Variants in KLF12 observed in about 807,000 individuals in gnomAD.
KLF12 encodes KLF transcription factor 12.
Under a neutral mutation model 37.8 loss-of-function variants are expected in KLF12, and 9 were observed. That is an observed-to-expected ratio of 0.24 (90% CI 0.14 to 0.42). The LOEUF is 0.42. Among genes scored for constraint, KLF12 ranks in the 10% least tolerant of loss-of-function variants. The probability of loss-of-function intolerance (pLI) is 1.00; values close to 1 mark genes in which losing one functional copy is unlikely to be tolerated. For missense variants in KLF12, 411 were observed against 516.0 expected, an observed-to-expected ratio of 0.80 and a Z score of 1.97; for synonymous variants, 208 against 202.1, an observed-to-expected ratio of 1.03 and a Z score of -0.25.
chr13:73,891,062 T>A (rs898822146), intron 3 of KLF12, among the ~76,000 whole-genome samples: 6 of 152,050 alleles, frequency 3.9e-5, no homozygotes. Context: ...TTAAAAAAAA[T>A]ACAACTTCTT....
chr13:74,095,058 T>A (rs1486371273), intron 1 of KLF12, among the ~76,000 whole-genome samples: 1 of 152,242 alleles, frequency 6.6e-6, no homozygotes, highest in Non-Finnish European at 1.5e-5. Context: ...TCAATTTTCA[T>A]GGGAAAACTC....
At chr13:73,963,020 G>A (rs189852478) in intron 2 of KLF12, among the ~76,000 whole-genome samples, 2 of 152,204 alleles carry the variant, frequency 1.3e-5, no homozygotes, top group Admixed American at 1.3e-4. Flanking sequence ...TTAGCATTTT[G>A]TCAACACCAA....
the KLF12 span, among the ~76,000 whole-genome samples, chr13:74,207,630 T>G: frequency 5.3e-5 from 8 of 151,968 alleles, no homozygotes; most frequent in Non-Finnish European, 1.2e-4. Flanking sequence ...AGCCAAGATC[T>G]CCCCTGCACT....
intron 3 of KLF12, among the ~76,000 whole-genome samples, chr13:73,942,295 A>G (rs1168022146): frequency 6.6e-6 from 1 of 152,152 alleles, no homozygotes; most frequent in Non-Finnish European, 1.5e-5. Flanking sequence ...TTGTTATTTC[A>G]AGTTGAAGAA....
At chr13:74,188,095 G>A in the KLF12 span, among the ~76,000 whole-genome samples, 1 of 151,980 alleles carries the variant, frequency 6.6e-6, no homozygotes, top group Non-Finnish European at 1.5e-5. Context: ...TTATAAGGCC[G>A]GGGAGTCTAT....
At chr13:74,122,743 A>G (rs1359343112) in intron 1 of KLF12, among the ~76,000 whole-genome samples, 1 of 151,962 alleles carries the variant, frequency 6.6e-6, no homozygotes, top group African/African-American at 2.4e-5. Flanking sequence ...GATTTCTCTT[A>G]GGCAGCACTG....
At chr13:73,750,933 G>A (rs1012183424) in intron 6 of KLF12, among the ~76,000 whole-genome samples, 1 of 152,164 alleles carries the variant, frequency 6.6e-6, no homozygotes, top group African/African-American at 2.4e-5. Context: ...GTTATGTGAT[G>A]CAAAGGGCCT....
At chr13:74,263,393 T>C in the KLF12 span, among the ~76,000 whole-genome samples, 2 of 152,224 alleles carry the variant, frequency 1.3e-5, no homozygotes, top group Non-Finnish European at 1.5e-5. Context: ...AGATAAAGAC[T>C]CTGACTCTAT....
the KLF12 span, among the ~76,000 whole-genome samples, chr13:74,198,316 T>C: frequency 6.6e-6 from 1 of 152,048 alleles, no homozygotes; most frequent in Non-Finnish European, 1.5e-5. Flanking sequence ...AGAAAAAATA[T>C]AAAAGAGAAA....
intron 6 of KLF12, among the ~76,000 whole-genome samples, chr13:73,737,482 A>C (rs1381816533): frequency 6.6e-6 from 1 of 152,168 alleles, no homozygotes. Flanking sequence ...AAAATAAGAC[A>C]GTGGAACTAA....
rs539839778 is a variant in KLF12 at position 73,826,029 on chromosome 13, T to C, written c.671-12742A>G. Among the ~76,000 whole-genome samples, 66 of 152,074 alleles carry C rather than the reference T, an allele frequency of 4.3e-4. 1 individual carries two copies. In the South Asian group the frequency reaches 7.7e-3, roughly 18 times the overall value. ...GCTCTGTTGCCCAGGCTGGAGTGCA[T>C]TGGGACGATCTCGGCTCACTGCAAG... On this transcript the variant is annotated intron_variant, in intron 4 of 7. Transcript: ENST00000377669.
At chr13:74,238,201 G>A in the KLF12 span, among the ~76,000 whole-genome samples, 1 of 131,266 alleles carries the variant, frequency 7.6e-6, no homozygotes, top group Admixed American at 7.1e-5. Flanking sequence ...AGATAATCAT[G>A]TGGTTTTTGT....
At chr13:74,144,279 T>C in the KLF12 span, among the ~76,000 whole-genome samples, 5 of 152,204 alleles carry the variant, frequency 3.3e-5, no homozygotes, top group Non-Finnish European at 5.9e-5. Context: ...ATAATTGTTA[T>C]TATGGAAACC....
intron 6 of KLF12, among the ~76,000 whole-genome samples, chr13:73,741,355 T>G (rs1877967324): frequency 6.6e-6 from 1 of 152,146 alleles, no homozygotes; most frequent in Non-Finnish European, 1.5e-5. Context: ...ACACCAACAA[T>G]GCTGTGAAGA....
chr13:73,989,118 G>A (rs1037912322), intron 2 of KLF12, among the ~76,000 whole-genome samples: 5 of 152,098 alleles, frequency 3.3e-5, no homozygotes, highest in African/African-American at 1.2e-4. Flanking sequence ...AAATGGCAAT[G>A]TAAAGGCATT....
At chr13:73,888,141 C>G (rs1375982974) in intron 3 of KLF12, among the ~76,000 whole-genome samples, 2 of 151,940 alleles carry the variant, frequency 1.3e-5, no homozygotes, top group Non-Finnish European at 2.9e-5. Flanking sequence ...TAGCTGGGAC[C>G]ACAGACGTCA....
chr13:74,030,499 A>C (rs1248123680), intron 1 of KLF12, among the ~76,000 whole-genome samples: 3 of 152,044 alleles, frequency 2.0e-5, no homozygotes, highest in Non-Finnish European at 4.4e-5. Flanking sequence ...CCTTAATTAA[A>C]TTTCTAAATA....
At chr13:74,224,587 A>C in the KLF12 span, among the ~76,000 whole-genome samples, 1 of 152,168 alleles carries the variant, frequency 6.6e-6, no homozygotes, top group Admixed American at 6.6e-5. Flanking sequence ...CATACGTTGT[A>C]GCATATAATT....
chr13:73,698,620 A>G (rs1874316477), intron 7 of KLF12, among the ~76,000 whole-genome samples: 1 of 152,230 alleles, frequency 6.6e-6, no homozygotes, highest in Non-Finnish European at 1.5e-5. Flanking sequence ...CATAAACATT[A>G]TATACGATTT....
Sources: allele counts gnomAD v4.1 joint callset (sites outside exome capture counted in the v4.1 genomes callset), GRCh38; gene constraint gnomAD v4.1.1; transcripts MANE v1.5; gene names NCBI Gene and HGNC (gene_info 2026-07-23, HGNC 2026-07-21).